NSUN7: variants seen among roughly 807,000 people sequenced by gnomAD.
NSUN7 encodes NOP2/Sun RNA methyltransferase family member 7, also known as protein NSUN7.
In NSUN7, 39 loss-of-function variants were observed where a neutral mutation model predicts 58.5. The observed-to-expected ratio is 0.67, with a 90% CI of 0.52 to 0.87. The LOEUF (loss-of-function observed/expected upper bound fraction) is 0.87. Among genes scored for constraint, NSUN7 ranks in the 40% least tolerant of loss-of-function variants. The probability of loss-of-function intolerance (pLI) is 0.00; values close to 1 mark genes in which losing one functional copy is unlikely to be tolerated. For missense variants in NSUN7, 765 were observed against 844.1 expected (o/e 0.91, Z 1.16); for synonymous variants, 278 against 303.7 (o/e 0.92, Z 0.88).
Position 40,808,616 on chromosome 4 carries a change from C to G in NSUN7, c.1834C>G (p.His612Asp), listed in dbSNP as rs550416801. ...CAGAAAACCCAACAAGCTGGCCCCC[C>G]ATCCTGCAGTGCCTGCATTTGTGAA... ...QTRKPNKLAP[H>D]PAVPAFVKNT... The change falls in exon 12 of 12, where the codon CAT becomes GAT. Residue 612 changes from histidine to aspartate, a missense_variant. Physicochemically the swap from His to Asp is moderately conservative, Grantham distance 81. Coordinates refer to ENST00000381782, the MANE Select transcript of NSUN7 (RefSeq NM_024677.6). 8.4e-6 allele frequency: 13 copies of G among 1,551,796 alleles called. No homozygotes were observed. The highest frequency in any genetic ancestry group is 1.7e-4 in the Middle Eastern group (1 of 5,990).
intron 4 of NSUN7, among the ~76,000 whole-genome samples, chr4:40,773,955 C>T (rs1007207090): frequency 2.0e-5 from 3 of 152,028 alleles, no homozygotes; most frequent in African/African-American, 4.8e-5. Flanking sequence ...CCCGCCACCA[C>T]GCCCGGCTAA....
At chr4:40,786,488 G>A in intron 7 of NSUN7, 1 of 1,613,008 alleles carries the variant, frequency 6.2e-7, no homozygotes, top group Non-Finnish European at 8.5e-7. Context: ...GAAAATCAAG[G>A]AGTCCCTGTA....
rs569537636 is a variant in NSUN7 at position 40,775,274 on chromosome 4, C to T, written c.825+324C>T. The T allele has an allele frequency of 3.3e-4, 53 of 161,426 alleles. No homozygotes were observed. The highest frequency in any genetic ancestry group is 1.2e-3 in the African/African-American group (49 of 41,956). The allele number at this position is 161,426 out of a possible 1,614,324, so 10.0% of individuals were successfully genotyped here. A position where few individuals can be genotyped will look rare whatever the true frequency, so the allele number is the denominator to read the frequency against. On this transcript the variant is annotated intron_variant, in intron 6 of 11. Transcript: ENST00000381782. The surrounding 1 kb of genome is among the most constrained non-coding windows in gnomAD (Gnocchi z 4.3). ...AGAAAGTACAATGAGACCTTTTCTT[C>T]CTTCCCTTTCTGGGGAAGATGCTAG...
intron 7 of NSUN7, among the ~76,000 whole-genome samples, chr4:40,778,074 A>C (rs1286870522): frequency 6.6e-6 from 1 of 152,216 alleles, no homozygotes; most frequent in Non-Finnish European, 1.5e-5. Context: ...TTTTACAGTA[A>C]ATTACACAGA....
chr4:40,781,121 C>A (rs1337961968), intron 7 of NSUN7, among the ~76,000 whole-genome samples: 1 of 152,042 alleles, frequency 6.6e-6, no homozygotes, highest in African/African-American at 2.4e-5. Context: ...GGCTAGACTG[C>A]AGTGGAGCTA....
intron 4 of NSUN7, 41 bp downstream of exon 4, chr4:40,761,342 C>T (rs1741455591): frequency 6.6e-7 from 1 of 1,515,898 alleles, no homozygotes; most frequent in South Asian, 1.2e-5. Context: ...ATGAAACCTA[C>T]ATTGGTATTG....
At chr4:40,787,960 G>T (rs1485253437) in intron 7 of NSUN7, among the ~76,000 whole-genome samples, 1 of 152,112 alleles carries the variant, frequency 6.6e-6, no homozygotes, top group Non-Finnish European at 1.5e-5. Context: ...TCACCCTCCT[G>T]AGTAGCTGGG....
In NSUN7 at chr4:40,750,635, C is replaced by A; in HGVS notation, c.-59C>A. On this transcript the variant is annotated 5_prime_UTR_variant, in exon 2 of 12. Coordinates refer to ENST00000381782, the MANE Select transcript of NSUN7 (RefSeq NM_024677.6). ...GCTGCAGATGCGAGGAAAGCCGTTT[C>A]CTGGAACATCGGAATTCTAACCCCA... The A allele has an allele frequency of 6.3e-7, 1 of 1,577,480 alleles. No homozygotes were observed. Among genetic ancestry groups the A allele is most frequent in the Non-Finnish European group, 8.6e-7 (1 of 1,158,968 alleles).
intron 7 of NSUN7, among the ~76,000 whole-genome samples, chr4:40,778,624 C>G (rs932437188): frequency 6.6e-6 from 1 of 150,942 alleles, no homozygotes; most frequent in Non-Finnish European, 1.5e-5. Flanking sequence ...CTTCAACTTC[C>G]TAGTCTCCAG....
intron 8 of NSUN7, 55 bp from the exon 9 acceptor site, chr4:40,794,320 A>G (rs1369161873): frequency 3.3e-6 from 3 of 918,182 alleles, no homozygotes; most frequent in Non-Finnish European, 5.1e-6. Flanking sequence ...TGATAACAAT[A>G]TGTAAAAAGT....
chr4:40,776,204 A>G lies in NSUN7; in HGVS notation c.981A>G (p.Gln327=). The change falls in exon 7 of 12, where the codon CAA becomes CAG. Residue 327 remains glutamine (Q), a synonymous_variant. Transcript: ENST00000381782. ...CAAAAGTATTTGTGTGTGGAGTACAATCACAAGCTAAGGATCCTGACTTGA... is the reference window on the plus strand; with the variant it reads ...CAAAAGTATTTGTGTGTGGAGTACAGTCACAAGCTAAGGATCCTGACTTGA... ...NTSKVFVCGV[Q]SQAKDPDLKT... The G allele has an allele frequency of 6.2e-7, 1 of 1,611,998 alleles. No homozygotes were observed. The highest frequency in any genetic ancestry group is 8.5e-7 in the Non-Finnish European group (1 of 1,179,348).
rs1742733494 is a variant in NSUN7 at position 40,784,858 on chromosome 4, T to C, written c.1037-5744T>C. ...AGACCTCTCTCAAATTGAAAACAAA[T>C]TAGTAAGATAAGTAAGGATATAGAA... On this transcript the variant is annotated intron_variant, in intron 7 of 11. Transcript: ENST00000381782. Among the ~76,000 whole-genome samples the C allele has an allele frequency of 2.6e-5, 4 of 152,058 alleles. No homozygotes were observed. In the South Asian group the frequency reaches 8.3e-4, roughly 32 times the overall value.
At chr4:40,770,135 G>A (rs552243666) in intron 4 of NSUN7, among the ~76,000 whole-genome samples, 212 of 151,336 alleles carry the variant, frequency 1.4e-3, no homozygotes, top group African/African-American at 4.8e-3. Flanking sequence ...ACTTGAACCC[G>A]GGAGGCGGAG....
intron 10 of NSUN7, among the ~76,000 whole-genome samples, chr4:40,799,139 G>A (rs1054233438): frequency 4.8e-4 from 63 of 130,950 alleles, no homozygotes; most frequent in Non-Finnish European, 7.2e-4. Flanking sequence ...AGGCTGGAGT[G>A]CAGTGGCACC....
At chr4:40,798,760 C>A in intron 9 of NSUN7, 27 bp from the exon 10 acceptor site, 1 of 1,254,024 alleles carries the variant, frequency 8.0e-7, no homozygotes, top group Non-Finnish European at 1.2e-6. Context: ...ATAGTTGTTA[C>A]AGTCATTGCA....
At chr4:40,786,296 C>A (rs1436431346) in intron 7 of NSUN7, 15 of 1,612,910 alleles carry the variant, frequency 9.3e-6, no homozygotes, top group South Asian at 4.4e-5. Context: ...ATTAAGGTAA[C>A]CTTGGGAAAT....
At chr4:40,772,942 G>C (rs2154287525) in intron 4 of NSUN7, 1 of 152,300 alleles carries the variant, frequency 6.6e-6, no homozygotes, top group Non-Finnish European at 1.5e-5. Context: ...TCAGGAATAA[G>C]TCCTGTGTTC....
intron 9 of NSUN7, among the ~76,000 whole-genome samples, chr4:40,795,255 C>T (rs1437734651): frequency 6.6e-6 from 1 of 152,104 alleles, no homozygotes; most frequent in Non-Finnish European, 1.5e-5. Flanking sequence ...TATATAAACA[C>T]ACATGAGGTA....
chr4:40,807,022 C>G, intron 10 of NSUN7, 39 bp from the exon 11 acceptor site: 1 of 1,540,866 alleles, frequency 6.5e-7, no homozygotes, highest in Non-Finnish European at 8.7e-7. Flanking sequence ...GGCAAAGAAG[C>G]CATTCTAACT....
Sources: gnomAD v4.1 joint callset for allele counts (sites outside exome capture counted in the v4.1 genomes callset) on GRCh38, gnomAD v4.1.1 for gene constraint, Gnocchi (gnomAD v3.1) non-coding constraint, MANE v1.5 for transcripts, NCBI Gene and HGNC (gene_info 2026-07-23, HGNC 2026-07-21) for gene names.